The following CACNA2D3 variants were observed in gnomAD, a reference collection of about 807,000 sequenced individuals.
CACNA2D3 encodes the protein calcium voltage-gated channel auxiliary subunit alpha2delta 3.
A neutral mutation model predicts 160.6 loss-of-function variants in CACNA2D3; 60 were observed. The observed-to-expected ratio is 0.37, with a 90% CI of 0.30 to 0.46. The LOEUF (loss-of-function observed/expected upper bound fraction) is 0.46, where lower values mean the gene tolerates loss of function less well. Among genes scored for constraint, CACNA2D3 ranks in the 20% least tolerant of loss-of-function variants. CACNA2D3 has a pLI of 1.00. For missense variants in CACNA2D3, 1,205 were observed against 1,365.0 expected, an observed-to-expected ratio of 0.88 and a Z score of 1.85; for synonymous variants, 558 against 492.9, an observed-to-expected ratio of 1.13 and a Z score of -1.75.
chr3:54,802,266 G>A (rs1013062471), intron 13 of CACNA2D3, among the ~76,000 whole-genome samples: 2 of 152,054 alleles, frequency 1.3e-5, no homozygotes, highest in African/African-American at 4.8e-5. Context: ...GAAGGAAGTA[G>A]CAGACTGGCA....
chr3:54,696,686 C>A (rs1181788122), intron 11 of CACNA2D3, among the ~76,000 whole-genome samples: 1 of 152,118 alleles, frequency 6.6e-6, no homozygotes, highest in African/African-American at 2.4e-5. Flanking sequence ...CTTAGCAAAC[C>A]CAGTTGTCCT....
At chr3:54,235,348 A>C (rs890010636) in intron 2 of CACNA2D3, among the ~76,000 whole-genome samples, 1 of 152,196 alleles carries the variant, frequency 6.6e-6, no homozygotes, top group African/African-American at 2.4e-5. Context: ...GGAAGCATGA[A>C]GCTGCATCTG....
intron 9 of CACNA2D3, chr3:54,626,536 C>G: frequency 6.2e-7 from 1 of 1,605,914 alleles, no homozygotes. Flanking sequence ...GGAGATCAAG[C>G]CCGAGATGAT....
At chr3:54,821,452 C>G (rs1703589069) in intron 14 of CACNA2D3, among the ~76,000 whole-genome samples, 1 of 152,188 alleles carries the variant, frequency 6.6e-6, no homozygotes, top group Non-Finnish European at 1.5e-5. Context: ...TATGAGGACT[C>G]AGGAGTGCAT....
intron 3 of CACNA2D3, among the ~76,000 whole-genome samples, chr3:54,350,870 A>G (rs563050569): frequency 6.6e-6 from 1 of 150,904 alleles, no homozygotes; most frequent in South Asian, 2.1e-4. Flanking sequence ...TTTAACATCC[A>G]TGTGTGTGTG....
At chr3:54,204,823 A>T (rs1701245530) in intron 2 of CACNA2D3, among the ~76,000 whole-genome samples, 2 of 150,820 alleles carry the variant, frequency 1.3e-5, no homozygotes, top group African/African-American at 4.9e-5. Flanking sequence ...AAAAAAAAGA[A>T]AAAGCAAAAC....
At chr3:54,734,289 G>A (rs532881002) in intron 11 of CACNA2D3, among the ~76,000 whole-genome samples, 11 of 152,116 alleles carry the variant, frequency 7.2e-5, no homozygotes, top group Non-Finnish European at 1.5e-4. Flanking sequence ...TTCCTAAAGC[G>A]GGACTCAGTT....
chr3:54,687,147 T>TTTTTG (rs1700478300), intron 11 of CACNA2D3, among the ~76,000 whole-genome samples: 2 of 79,412 alleles, frequency 2.5e-5, no homozygotes, highest in Non-Finnish European at 5.6e-5. Flanking sequence ...TTTTTTTTTT[T>TTTTTG]TTTGTTTTTT....
chr3:54,129,381 G>T (rs1390373483), intron 2 of CACNA2D3, among the ~76,000 whole-genome samples: 1 of 152,132 alleles, frequency 6.6e-6, no homozygotes, highest in Non-Finnish European at 1.5e-5. Context: ...ACTTCCATTT[G>T]CTTTGAACAA....
intron 2 of CACNA2D3, among the ~76,000 whole-genome samples, chr3:54,146,827 G>C (rs1020952668): frequency 6.6e-6 from 1 of 152,250 alleles, no homozygotes; most frequent in African/African-American, 2.4e-5. Context: ...CTTTGTCACA[G>C]GGTGGCAGCA....
At chr3:54,433,220 T>G (rs541988440) in intron 4 of CACNA2D3, among the ~76,000 whole-genome samples, 42 of 152,316 alleles carry the variant, frequency 2.8e-4, no homozygotes, top group Non-Finnish European at 5.0e-4. Flanking sequence ...GGGGGATTTA[T>G]GTACTTGTCC....
intron 27 of CACNA2D3, among the ~76,000 whole-genome samples, chr3:54,946,041 A>G (rs1701606484): frequency 6.6e-6 from 1 of 152,178 alleles, no homozygotes; most frequent in Non-Finnish European, 1.5e-5. Flanking sequence ...TCATTATCAC[A>G]TTTCCTTGGT....
intron 14 of CACNA2D3, among the ~76,000 whole-genome samples, chr3:54,823,333 C>T (rs1335210836): frequency 1.3e-5 from 2 of 151,750 alleles, no homozygotes; most frequent in East Asian, 3.9e-4. Flanking sequence ...CCTGATTATT[C>T]AGGAAAAAAA....
At chr3:54,448,011 C>T (rs1318370034) in intron 4 of CACNA2D3, among the ~76,000 whole-genome samples, 4 of 152,112 alleles carry the variant, frequency 2.6e-5, no homozygotes, top group Non-Finnish European at 4.4e-5. Flanking sequence ...AGGGAATTTA[C>T]GAAAAGTTTC....
chr3:54,871,537 AG>A lies in CACNA2D3; in HGVS notation c.1627-1del. The stretch of plus-strand genomic sequence containing the variant: ...TTTTCTTTTTCTTCTTCCCCTTGCT[AG>A]TACGAAGAAGGAAAAAAGCGAAGGA... On this transcript the variant is annotated splice_acceptor_variant, in intron 17 of 37. Transcript: ENST00000474759. LOFTEE classifies it high-confidence loss of function. The A allele has an allele frequency of 6.2e-7, 1 of 1,606,780 alleles. No individual in the cohort carries two copies. The highest frequency in any genetic ancestry group is 8.5e-7 in the Non-Finnish European group (1 of 1,173,492).
rs758508405 is a variant in CACNA2D3 at position 54,712,809 on chromosome 3, G to A, written c.1168-39790G>A. On this transcript the variant is annotated intron_variant, in intron 11 of 37. Coordinates refer to ENST00000474759, the MANE Select transcript of CACNA2D3 (RefSeq NM_018398.3). ...ACAGCCGGCTTAGTCTATCTTGCAC[G>A]GCAGCACTAACTCTGAAACTCTCTT... Among the ~76,000 whole-genome samples the A allele has an allele frequency of 5.3e-5, 8 of 152,164 alleles. No homozygotes were observed. The East Asian group carries it at 7.7e-4, about 15-fold the overall frequency.
chr3:54,205,941 G>C (rs1294934291), intron 2 of CACNA2D3, among the ~76,000 whole-genome samples: 3 of 152,070 alleles, frequency 2.0e-5, no homozygotes, highest in Non-Finnish European at 4.4e-5. Context: ...GTGATATTTG[G>C]GATGTACTTA....
chr3:54,503,858 C>T (rs979068459), intron 5 of CACNA2D3, among the ~76,000 whole-genome samples: 1 of 152,140 alleles, frequency 6.6e-6, no homozygotes, highest in Admixed American at 6.5e-5. Context: ...GTTTCTCTGG[C>T]TGGTTGTTTA....
intron 4 of CACNA2D3, among the ~76,000 whole-genome samples, chr3:54,481,096 G>A (rs1045685580): frequency 6.6e-6 from 1 of 152,156 alleles, no homozygotes; most frequent in Non-Finnish European, 1.5e-5. Flanking sequence ...CCATGGAGAT[G>A]GACTGACTGC....
Sources: allele counts gnomAD v4.1 joint callset (sites outside exome capture counted in the v4.1 genomes callset), GRCh38; gene constraint gnomAD v4.1.1; transcripts MANE v1.5; gene names NCBI Gene and HGNC (gene_info 2026-07-23, HGNC 2026-07-21).